Variants in CHODL observed in about 807,000 individuals in gnomAD.
CHODL encodes the protein transmembrane protein MT75.
A neutral mutation model predicts 34.5 loss-of-function variants in CHODL; 29 were observed. The observed-to-expected ratio is 0.84, with a 90% CI of 0.63 to 1.15. The LOEUF (loss-of-function observed/expected upper bound fraction) is 1.15. Among genes scored for constraint, CHODL ranks in the 50% most tolerant of loss-of-function variants. The pLI, the probability that CHODL is intolerant of heterozygous loss-of-function variation, is 0.00. For synonymous variants in CHODL, 125 were observed against 116.1 expected (o/e 1.08, Z -0.49); for missense variants, 332 against 332.5 (o/e 1.00, Z 0.01).
intron 2 of CHODL, among the ~76,000 whole-genome samples, chr21:18,039,404 T>C (rs1317226407): frequency 6.6e-6 from 1 of 151,708 alleles, no homozygotes; most frequent in African/African-American, 2.4e-5. Flanking sequence ...CATGCTGTTC[T>C]CTAAATCTTG....
intron 5 of CHODL, among the ~76,000 whole-genome samples, chr21:18,263,098 C>T (rs1003993572): frequency 1.4e-4 from 21 of 152,154 alleles, no homozygotes; most frequent in Middle Eastern, 3.4e-3. Flanking sequence ...AGTTACCCTT[C>T]TGTTTGTATT....
intron 2 of CHODL, among the ~76,000 whole-genome samples, chr21:18,188,098 T>A (rs961113928): frequency 2.6e-5 from 4 of 151,660 alleles, no homozygotes; most frequent in Admixed American, 2.0e-4. Flanking sequence ...CAGCCTTTAT[T>A]AAAATTGATC....
intron 2 of CHODL, among the ~76,000 whole-genome samples, chr21:18,238,858 A>G (rs1475026421): frequency 6.6e-6 from 1 of 152,124 alleles, no homozygotes; most frequent in Admixed American, 6.6e-5. Context: ...CATCAAAAAC[A>G]TTACTTCTGA....
At chr21:18,263,324 T>G (rs76790129) in intron 5 of CHODL, among the ~76,000 whole-genome samples, 382 of 152,322 alleles carry the variant, frequency 2.5e-3, no homozygotes, top group Non-Finnish European at 4.1e-3. Context: ...TAGGTTCATT[T>G]TGTATTACTT....
intron 2 of CHODL, among the ~76,000 whole-genome samples, chr21:18,202,850 T>G (rs934695836): frequency 1.3e-5 from 2 of 152,230 alleles, no homozygotes; most frequent in African/African-American, 4.8e-5. Context: ...AAGTGTAATA[T>G]TCTGCACAGT....
At chr21:18,049,699 C>T (rs891836088) in intron 2 of CHODL, among the ~76,000 whole-genome samples, 1 of 151,876 alleles carries the variant, frequency 6.6e-6, no homozygotes, top group Non-Finnish European at 1.5e-5. Flanking sequence ...TGCTCTCATC[C>T]CTGGTGTCTA....
At chr21:18,124,604 A>C (rs867827779) in intron 2 of CHODL, among the ~76,000 whole-genome samples, 35 of 152,190 alleles carry the variant, frequency 2.3e-4, no homozygotes, top group African/African-American at 7.7e-4. Flanking sequence ...AGATTTAAAA[A>C]ATTTTCGTGG....
intron 2 of CHODL, among the ~76,000 whole-genome samples, chr21:18,235,788 G>A (rs2074023220): frequency 6.6e-6 from 1 of 152,094 alleles, no homozygotes; most frequent in Non-Finnish European, 1.5e-5. Flanking sequence ...TTAAAGGTGA[G>A]ACAGAAAAGA....
At chr21:18,136,719 CATATATATATATATATATATATAT>C (rs147280660) in intron 2 of CHODL, among the ~76,000 whole-genome samples, 2 of 118,730 alleles carry the variant, frequency 1.7e-5, no homozygotes, top group East Asian at 2.5e-4. Flanking sequence ...TAAATCAAAG[CATATATATATATATATATATATAT>C]ATATATATAT....
At chr21:18,192,268 T>G (rs73893020) in intron 2 of CHODL, among the ~76,000 whole-genome samples, 2,428 of 152,332 alleles carry the variant, frequency 0.016, 59 homozygotes, top group African/African-American at 0.052. Context: ...TGGATTTTTA[T>G]GAAGGGTATC....
In CHODL at chr21:18,071,858, C is replaced by T. The variant is rs543858321; in HGVS notation, c.-45+43887C>T. Among the ~76,000 whole-genome samples, 60 of 152,102 alleles carry T rather than the reference C, an allele frequency of 3.9e-4. 1 individual carries two copies. In the South Asian group the frequency reaches 6.0e-3, roughly 15 times the overall value. On this transcript the variant is annotated intron_variant, in intron 2 of 6. Transcript: ENST00000400127. ...CAATACATACTACAAATATCACAAC[C>T]GTCTTCAAATATCAGGCTTACTTTT...
At chr21:18,236,074 TA>T (rs1194657106) in intron 2 of CHODL, among the ~76,000 whole-genome samples, 1 of 152,110 alleles carries the variant, frequency 6.6e-6, no homozygotes, top group Admixed American at 6.6e-5. Context: ...CAGGACTGGG[TA>T]ATTTACAAGC....
intron 2 of CHODL, among the ~76,000 whole-genome samples, chr21:18,033,945 T>C (rs1241490358): frequency 2.0e-5 from 3 of 152,024 alleles, no homozygotes; most frequent in African/African-American, 7.2e-5. Context: ...AGAAAAAACC[T>C]TATAACATCT....
chr21:18,023,579 G>A (rs1344419349), intron 1 of CHODL, among the ~76,000 whole-genome samples: 1 of 152,110 alleles, frequency 6.6e-6, no homozygotes, highest in Non-Finnish European at 1.5e-5. Context: ...GTAAAGAGGA[G>A]CCTGGCTGGG....
intron 2 of CHODL, among the ~76,000 whole-genome samples, chr21:18,164,893 G>A (rs1234026490): frequency 2.0e-5 from 3 of 152,170 alleles, no homozygotes; most frequent in African/African-American, 7.2e-5. Flanking sequence ...AGGAGTTACT[G>A]TTCTCTTTCC....
intron 2 of CHODL, among the ~76,000 whole-genome samples, chr21:18,162,296 G>C (rs2073104218): frequency 6.6e-6 from 1 of 152,072 alleles, no homozygotes; most frequent in Admixed American, 6.6e-5. Context: ...AGGGCCGTGA[G>C]GAAGAATTTG....
chr21:18,022,288 T>C (rs2064135059), intron 1 of CHODL: 1 of 152,200 alleles, frequency 6.6e-6, no homozygotes, highest in South Asian at 2.1e-4. Flanking sequence ...GGCCTGTGGT[T>C]GCATCACTCC....
intron 2 of CHODL, among the ~76,000 whole-genome samples, chr21:18,193,956 A>C (rs2073550002): frequency 6.6e-6 from 1 of 152,120 alleles, no homozygotes; most frequent in South Asian, 2.1e-4. Flanking sequence ...TCAGTTTGAA[A>C]TGTCTCCTTT....
At chr21:17,919,596 G>A (rs1032833204) in intron 1 of CHODL, among the ~76,000 whole-genome samples, 4 of 152,118 alleles carry the variant, frequency 2.6e-5, no homozygotes, top group South Asian at 2.1e-4. Flanking sequence ...CCTATGATAA[G>A]AGGGGCTGCC....
Sources: gnomAD v4.1 joint callset for allele counts (sites outside exome capture counted in the v4.1 genomes callset) on GRCh38, gnomAD v4.1.1 for gene constraint, MANE v1.5 for transcripts, NCBI Gene and HGNC (gene_info 2026-07-23, HGNC 2026-07-21) for gene names.